The following TCF4 variants were observed in gnomAD, a reference collection of about 807,000 sequenced individuals.
TCF4 encodes transcription factor 4.
In TCF4, 3 loss-of-function variants were observed where a neutral mutation model predicts 82.1. That is an observed-to-expected ratio of 0.04 (90% CI 0.02 to 0.09). The LOEUF (loss-of-function observed/expected upper bound fraction) is 0.09, where lower values mean the gene tolerates loss of function less well. TCF4 is among the 10% of genes least tolerant of loss of function. The pLI, the probability that TCF4 is intolerant of heterozygous loss-of-function variation, is 1.00. For missense variants in TCF4, 518 were observed against 852.7 expected, an observed-to-expected ratio of 0.61 and a Z score of 4.89; for synonymous variants, 276 against 309.6, an observed-to-expected ratio of 0.89 and a Z score of 1.14.
intron 6 of TCF4, among the ~76,000 whole-genome samples, chr18:55,375,851 A>G (rs2090586714): frequency 6.6e-6 from 1 of 152,090 alleles, no homozygotes; most frequent in Non-Finnish European, 1.5e-5. Flanking sequence ...GAAAATTTTT[A>G]CAAATAGGGA....
At chr18:55,562,800 C>A (rs575676508) in intron 3 of TCF4, among the ~76,000 whole-genome samples, 1 of 152,126 alleles carries the variant, frequency 6.6e-6, no homozygotes, top group Admixed American at 6.5e-5. Context: ...TAAATAATAT[C>A]TATAAGTCCA....
At chr18:55,307,620 T>G (rs1029119433) in intron 8 of TCF4, among the ~76,000 whole-genome samples, 2 of 152,252 alleles carry the variant, frequency 1.3e-5, no homozygotes, top group African/African-American at 4.8e-5. Flanking sequence ...AATAGTTAGC[T>G]CTATGAAACC....
chr18:55,325,084 T>C (rs2076327420), intron 8 of TCF4, among the ~76,000 whole-genome samples: 1 of 152,194 alleles, frequency 6.6e-6, no homozygotes, highest in Non-Finnish European at 1.5e-5. Context: ...ACCTACAAGG[T>C]AGATGTTCAA....
chr18:55,433,818 T>C (rs2095262456), intron 5 of TCF4, among the ~76,000 whole-genome samples: 1 of 152,202 alleles, frequency 6.6e-6, no homozygotes, highest in South Asian at 2.1e-4. Context: ...TCCTTGGTTT[T>C]ATGAGCTCTT....
chr18:55,538,476 G>A (rs1479289555), intron 3 of TCF4, among the ~76,000 whole-genome samples: 3 of 152,158 alleles, frequency 2.0e-5, no homozygotes, highest in East Asian at 1.9e-4. Context: ...AAGTCTGAAT[G>A]TAACACTGTA....
intron 4 of TCF4, among the ~76,000 whole-genome samples, chr18:55,462,287 A>T (rs1166968401): frequency 6.6e-6 from 1 of 152,184 alleles, no homozygotes; most frequent in African/African-American, 2.4e-5. Context: ...ACTCTATACC[A>T]GGCATTGCAT....
At chr18:55,522,871 T>C (rs1262470333) in intron 3 of TCF4, among the ~76,000 whole-genome samples, 1 of 151,986 alleles carries the variant, frequency 6.6e-6, no homozygotes, top group African/African-American at 2.4e-5. Flanking sequence ...AAATGTACAC[T>C]ACAGAAAATA....
intron 8 of TCF4, among the ~76,000 whole-genome samples, chr18:55,307,953 T>C (rs935011196): frequency 6.6e-6 from 1 of 152,224 alleles, no homozygotes; most frequent in Non-Finnish European, 1.5e-5. Context: ...AATAATAGCC[T>C]AGGGCTAGCC....
chr18:55,592,049 T>A (rs921655327), upstream of TCF4, among the ~76,000 whole-genome samples: 2 of 152,216 alleles, frequency 1.3e-5, no homozygotes, highest in African/African-American at 4.8e-5. Flanking sequence ...TAAATACTTA[T>A]TCTGTCACAG....
At chr18:55,326,401 CAAAAAAAAAA>C (rs59228811) in intron 8 of TCF4, among the ~76,000 whole-genome samples, 6 of 26,378 alleles carry the variant, frequency 2.3e-4, no homozygotes, top group Admixed American at 1.2e-3. Context: ...AGAGCAGCAG[CAAAAAAAAAA>C]AAAAAAAAAA....
intron 3 of TCF4, among the ~76,000 whole-genome samples, chr18:55,515,898 A>C (rs2096876863): frequency 6.6e-6 from 1 of 152,180 alleles, no homozygotes; most frequent in African/African-American, 2.4e-5. Flanking sequence ...AAAATGCTGA[A>C]GAGTCAGGAG....
rs997568127 is a variant in TCF4, at chr18:55,432,574, T to C, written c.304+28445A>G. The stretch of plus-strand genomic sequence containing the variant: ...GGATGCAAACTCACATGTCAGTGAG[T>C]GTGGAAACAGGGTCTCCCAAAAAGT... On this transcript the variant is annotated intron_variant, in intron 5 of 19. Coordinates refer to ENST00000354452, the MANE Select transcript of TCF4 (RefSeq NM_001083962.2). Among the ~76,000 whole-genome samples, 4 of 152,096 alleles carry C rather than the reference T, an allele frequency of 2.6e-5. No individual in the cohort carries two copies. In the East Asian group the frequency reaches 7.7e-4, roughly 29 times the overall value.
chr18:55,273,935 C>T (rs151074863), intron 10 of TCF4, among the ~76,000 whole-genome samples: 4 of 152,178 alleles, frequency 2.6e-5, no homozygotes, highest in Non-Finnish European at 4.4e-5. Context: ...AAAATCAAAT[C>T]GCCTAACTCA....
At chr18:55,598,095 C>G (rs891112841) in intron 2 of TCF4, among the ~76,000 whole-genome samples, 1 of 152,134 alleles carries the variant, frequency 6.6e-6, no homozygotes, top group Admixed American at 6.5e-5. Flanking sequence ...AGAGAGTTAT[C>G]AAGTGGTAAA....
chr18:55,350,731 A>T, intron 7 of TCF4, 143 bp downstream of exon 7: 3 of 1,083,146 alleles, frequency 2.8e-6, no homozygotes, highest in Non-Finnish European at 4.1e-6. Context: ...CTAGGGGGGA[A>T]GTCTCCAGGC....
At chr18:55,549,446 T>C (rs1199624120) in intron 3 of TCF4, among the ~76,000 whole-genome samples, 1 of 152,236 alleles carries the variant, frequency 6.6e-6, no homozygotes, top group Non-Finnish European at 1.5e-5. Context: ...CAAAACATAC[T>C]ATATAGCTGC....
chr18:55,519,135 A>G (rs901505037), intron 3 of TCF4: 1 of 152,204 alleles, frequency 6.6e-6, no homozygotes, highest in African/African-American at 2.4e-5. Context: ...AATCTTAAAA[A>G]GTTAAGACAT....
At chr18:55,515,293 T>C (rs928449927) in intron 3 of TCF4, among the ~76,000 whole-genome samples, 1 of 152,168 alleles carries the variant, frequency 6.6e-6, no homozygotes, top group Non-Finnish European at 1.5e-5. Context: ...TTAAGTATGG[T>C]CACACTCATT....
At chr18:55,416,969 C>T (rs1017677243) in intron 5 of TCF4, among the ~76,000 whole-genome samples, 6 of 152,106 alleles carry the variant, frequency 3.9e-5, no homozygotes, top group Admixed American at 6.6e-5. Context: ...AGAAAGGAGC[C>T]GAGTGCTCAA....
Sources: allele counts gnomAD v4.1 joint callset (sites outside exome capture counted in the v4.1 genomes callset), GRCh38; gene constraint gnomAD v4.1.1; transcripts MANE v1.5; gene names NCBI Gene and HGNC (gene_info 2026-07-23, HGNC 2026-07-21).